Variants in CCPG1 observed in about 807,000 individuals in gnomAD.
CCPG1 encodes the protein cell cycle progression 1.
In CCPG1, 46 loss-of-function variants were observed where a neutral mutation model predicts 81.3. The ratio of observed to expected loss-of-function variants is 0.57; its 90% CI spans 0.45 to 0.72. CCPG1 has a LOEUF of 0.72. CCPG1 is among the 30% of genes least tolerant of loss of function. CCPG1 has a pLI of 0.00. For synonymous variants in CCPG1, 330 were observed against 305.2 expected, an observed-to-expected ratio of 1.08 and a Z score of -0.85; for missense variants, 902 against 937.6, an observed-to-expected ratio of 0.96 and a Z score of 0.50.
intron 6 of CCPG1, among the ~76,000 whole-genome samples, chr15:55,371,154 GA>G (rs1478934173): frequency 6.6e-6 from 1 of 152,110 alleles, no homozygotes; most frequent in African/African-American, 2.4e-5. Flanking sequence ...GCTCCTAAAT[GA>G]AAAAGTAAAG....
chr15:55,383,152 G>T (rs1016822672), intron 3 of CCPG1, among the ~76,000 whole-genome samples: 1 of 152,202 alleles, frequency 6.6e-6, no homozygotes, highest in African/African-American at 2.4e-5. Flanking sequence ...ACTGGATGTT[G>T]TGTTAGCAGG....
In CCPG1 at chr15:55,389,355, A is replaced by G. The variant is rs762467008; in HGVS notation, c.60+10T>C. On this transcript the variant is annotated intron_variant, in intron 2 of 8. Transcript: ENST00000442196. ...ACAAATTACCTTATAAAAAGTATTAAATATCATACCTCATGACTGATGACA... is the reference window on the plus strand; with the variant it reads ...ACAAATTACCTTATAAAAAGTATTAGATATCATACCTCATGACTGATGACA... The G allele has an allele frequency of 1.2e-5, 18 of 1,561,748 alleles. No individual in the cohort carries two copies. In the South Asian group the frequency reaches 1.8e-4, roughly 15 times the overall value.
chr15:55,355,524 GA>G lies in CCPG1; in HGVS notation c.*695del. 1 of 1,025,904 alleles carries G rather than the reference GA, an allele frequency of 9.7e-7. No individual in the cohort carries two copies. Among genetic ancestry groups the G allele is most frequent in the African/African-American group, 1.6e-5 (1 of 61,418 alleles). 63.6% of individuals were successfully genotyped at this position (1,025,904 alleles called of 1,614,324 possible). A position where few individuals can be genotyped will look rare whatever the true frequency, so the allele number is the denominator to read the frequency against. ...CACTGGGTAAGATTCATGGAACTTA[GA>G]AAAAAGCTGTATGAACTGCTTTACC... On this transcript the variant is annotated 3_prime_UTR_variant, in exon 9 of 9. Transcript: ENST00000442196.
chr15:55,368,542 C>T (rs186476818), intron 6 of CCPG1, among the ~76,000 whole-genome samples: 4 of 152,186 alleles, frequency 2.6e-5, no homozygotes, highest in Middle Eastern at 3.4e-3. Flanking sequence ...TAAAGCAACT[C>T]GAGGAGAAAA....
Position 55,360,145 on chromosome 15 carries a change from A to G in CCPG1, c.1628T>C (p.Ile543Thr). 1 of 1,613,488 alleles carries G rather than the reference A, an allele frequency of 6.2e-7. No homozygotes were observed. Among genetic ancestry groups the G allele is most frequent in the Non-Finnish European group, 8.5e-7 (1 of 1,179,862 alleles). ...FRHFKDTTKNIFDEKGNKRFG... is the reference protein window; with the variant it reads ...FRHFKDTTKNTFDEKGNKRFG... ...TCTTTTATTACCCTTTTCATCAAAG[A>G]TATTCTTGGTGGTATCTTTAAAGTG... Residue 543 changes from isoleucine (I) to threonine (T), a missense_variant, in exon 8 of 9, where the codon ATC becomes ACC. By Grantham distance (89) the Ile-to-Thr change is moderately conservative. Coordinates refer to ENST00000442196, the MANE Select transcript of CCPG1 (RefSeq NM_001204450.2).
intron 1 of CCPG1, among the ~76,000 whole-genome samples, chr15:55,398,556 G>A (rs2057066011): frequency 6.6e-6 from 1 of 152,026 alleles, no homozygotes; most frequent in Admixed American, 6.6e-5. Context: ...CTTGAGAAAG[G>A]GAAGAGGATA....
At chr15:55,381,656 C>G (rs1284885004) in intron 3 of CCPG1, among the ~76,000 whole-genome samples, 1 of 152,160 alleles carries the variant, frequency 6.6e-6, no homozygotes, top group African/African-American at 2.4e-5. Context: ...CCACTTTTTT[C>G]TCCTGAGGGG....
chr15:55,388,763 C>A (rs2056853937), intron 2 of CCPG1, among the ~76,000 whole-genome samples: 1 of 134,842 alleles, frequency 7.4e-6, no homozygotes, highest in Non-Finnish European at 1.7e-5. Context: ...GATCCTGTCC[C>A]TTTAAAAAAA....
chr15:55,390,068 C>A (rs1045088308), intron 1 of CCPG1, among the ~76,000 whole-genome samples: 3 of 152,156 alleles, frequency 2.0e-5, no homozygotes, highest in African/African-American at 7.2e-5. Flanking sequence ...GGACTACAGG[C>A]GCGTGCCACC....
rs568392885 is a variant in CCPG1 at position 55,374,126 on chromosome 15, G to A, written c.455-2082C>T. On this transcript the variant is annotated intron_variant, in intron 5 of 8. Transcript: ENST00000442196. The stretch of plus-strand genomic sequence containing the variant: ...ATGTGACTAGGCACACTCAGCTCTA[G>A]AGAAGCTGGTCAGATTTAGTCACAC... The A allele has an allele frequency of 1.6e-5, 19 of 1,215,962 alleles. 1 individual carries two copies. The highest frequency in any genetic ancestry group is 3.1e-5 in the African/African-American group (2 of 64,578). 75.3% of individuals were successfully genotyped at this position (1,215,962 alleles called of 1,614,324 possible). A position where few individuals can be genotyped will look rare whatever the true frequency, so the allele number is the denominator to read the frequency against.
At chr15:55,399,417 C>CAAAAAAA (rs56191750) in intron 1 of CCPG1, among the ~76,000 whole-genome samples, 8 of 63,122 alleles carry the variant, frequency 1.3e-4, no homozygotes, top group African/African-American at 1.9e-4. Flanking sequence ...ACTAAAAATA[C>CAAAAAAA]AAAAAAAAAA....
At chr15:55,372,602 T>G (rs963228013) in intron 5 of CCPG1, 1 of 198,854 alleles carries the variant, frequency 5.0e-6, no homozygotes, top group African/African-American at 2.4e-5. Flanking sequence ...GAGGTTGCAG[T>G]GAGCTGAGAT....
At chr15:55,372,474 A>G (rs2056472099) in intron 5 of CCPG1, 1 of 198,704 alleles carries the variant, frequency 5.0e-6, no homozygotes, top group Non-Finnish European at 1.0e-5. Context: ...CAGCCTGGCC[A>G]ACATGGCGAA....
In CCPG1 at chr15:55,355,460, G is replaced by A. The variant is rs2056059863; in HGVS notation, c.*760C>T. On this transcript the variant is annotated 3_prime_UTR_variant, in exon 9 of 9. Transcript: ENST00000442196. Reference sequence around the variant, plus strand: ...TTTCCTAGATAAATTAACATTGCTGGGTGGAAATATTCAGATGCTGCTTAA... The same window carrying A: ...TTTCCTAGATAAATTAACATTGCTGAGTGGAAATATTCAGATGCTGCTTAA... The A allele has an allele frequency of 6.3e-7, 1 of 1,576,868 alleles. No individual in the cohort carries two copies. The highest frequency in any genetic ancestry group is 8.7e-7 in the Non-Finnish European group (1 of 1,155,730).
At chr15:55,363,638 A>G (rs1043363104) in intron 7 of CCPG1, among the ~76,000 whole-genome samples, 1 of 150,518 alleles carries the variant, frequency 6.6e-6, no homozygotes, top group African/African-American at 2.4e-5. Context: ...TAGTACTTGG[A>G]TGGGAGAAGT....
At position 55,360,119 on chromosome 15, in the gene CCPG1, A is replaced by G; in HGVS notation, c.1654T>C (p.Phe552Leu). The G allele has an allele frequency of 6.2e-7, 1 of 1,613,814 alleles. No homozygotes were observed. Among genetic ancestry groups the G allele is most frequent in the South Asian group, 1.1e-5 (1 of 91,052 alleles). ...NIFDEKGNKR[F>L]GATKEAAEKP... ...TCAGCTGCTTCTTTTGTAGCACCAA[A>G]TCTTTTATTACCCTTTTCATCAAAG... The change falls in exon 8 of 9, where the codon TTT becomes CTT. Residue 552 changes from phenylalanine to leucine, a missense_variant. This residue lies in a region of CCPG1 where 746 missense variants were observed against 728.6 expected (regional missense o/e 1.02). Coordinates refer to ENST00000442196, the MANE Select transcript of CCPG1 (RefSeq NM_001204450.2).
Position 55,406,640 on chromosome 15 carries a change from G to A in CCPG1, c.-10+1581C>T, listed in dbSNP as rs533584213. Among the ~76,000 whole-genome samples the A allele has an allele frequency of 9.9e-5, 15 of 151,280 alleles. 1 individual carries two copies. The South Asian group carries it at 2.9e-3, about 29-fold the overall frequency. On this transcript the variant is annotated intron_variant, in intron 1 of 8. Transcript: ENST00000442196. The stretch of plus-strand genomic sequence containing the variant: ...AGTAGAGACGGGGTTTCACCGTGTC[G>A]GCCAGGCTGGTCTCGAACTCCTGAC...
chr15:55,361,740 C>T (rs1225690703), intron 7 of CCPG1, among the ~76,000 whole-genome samples: 4 of 151,812 alleles, frequency 2.6e-5, no homozygotes, highest in Non-Finnish European at 5.9e-5. Flanking sequence ...AGTAAAATTA[C>T]ATCGAGAGCT....
chr15:55,357,359 C>G (rs1405268051), intron 8 of CCPG1: 2 of 985,194 alleles, frequency 2.0e-6, no homozygotes, highest in African/African-American at 3.5e-5. Flanking sequence ...AGTATAGTCC[C>G]AGTTTAGATG....
Sources: gnomAD v4.1 joint callset for allele counts (sites outside exome capture counted in the v4.1 genomes callset) on GRCh38, gnomAD v4.1.1 for gene constraint, gnomAD v4.1.1 regional missense constraint, MANE v1.5 for transcripts, NCBI Gene and HGNC (gene_info 2026-07-23, HGNC 2026-07-21) for gene names.